The following GNE variants were observed in gnomAD, a reference collection of about 807,000 sequenced individuals.
GNE encodes the protein bifunctional UDP-N-acetylglucosamine 2-epimerase/N-acetylmannosamine kinase.
A neutral mutation model predicts 61.8 loss-of-function variants in GNE; 41 were observed. The ratio of observed to expected loss-of-function variants is 0.66; its 90% CI spans 0.52 to 0.86. GNE has a LOEUF of 0.86. GNE is among the 40% of genes least tolerant of loss of function. The pLI is 0.00. For missense variants in GNE, 608 were observed against 909.1 expected, an observed-to-expected ratio of 0.67 and a Z score of 4.26; for synonymous variants, 264 against 326.4, an observed-to-expected ratio of 0.81 and a Z score of 2.06.
chr9:36,269,887 C>G (rs370488012), intron 1 of GNE, among the ~76,000 whole-genome samples: 1 of 152,128 alleles, frequency 6.6e-6, no homozygotes, highest in African/African-American at 2.4e-5. Context: ...GTCTTGAACT[C>G]CTGACCTCAG....
Position 36,217,037 on chromosome 9 carries a change from T to C in GNE, c.*328A>G. The stretch of plus-strand genomic sequence containing the variant: ...CCCAGGCAAGGCCTGAAGGTCTCAG[T>C]GGTATTAATACATTAGTAAGCAGAG... On this transcript the variant is annotated 3_prime_UTR_variant, in exon 12 of 12. Coordinates refer to ENST00000642385, the MANE Select transcript of GNE (RefSeq NM_005476.7). The C allele has an allele frequency of 5.3e-6, 2 of 376,850 alleles. No homozygotes were observed. Among genetic ancestry groups the C allele is most frequent in the East Asian group, 1.2e-4 (2 of 16,062 alleles). The allele number at this position is 376,850 out of a possible 1,614,324, so 23.3% of individuals were successfully genotyped here.
At chr9:36,220,389 C>T (rs1040015519) in intron 9 of GNE, among the ~76,000 whole-genome samples, 1 of 152,196 alleles carries the variant, frequency 6.6e-6, no homozygotes, top group African/African-American at 2.4e-5. Flanking sequence ...TACTCAGCCA[C>T]GCAGGCACAG....
intron 5 of GNE, among the ~76,000 whole-genome samples, chr9:36,231,368 C>G (rs575076715): frequency 1.3e-4 from 20 of 152,146 alleles, no homozygotes; most frequent in African/African-American, 4.8e-4. Context: ...TAACTTGAGC[C>G]CAGGAATTCA....
At chr9:36,226,763 C>T (rs1218403172) in intron 7 of GNE, among the ~76,000 whole-genome samples, 1 of 152,200 alleles carries the variant, frequency 6.6e-6, no homozygotes. Context: ...CCTGTCAACA[C>T]TGGGTGATGG....
intron 2 of GNE, among the ~76,000 whole-genome samples, chr9:36,248,758 A>G (rs1830002761): frequency 2.6e-5 from 4 of 152,174 alleles, no homozygotes; most frequent in African/African-American, 9.6e-5. Context: ...TTCCATATCT[A>G]CTACTTTATA....
chr9:36,275,636 T>C (rs1831233656), intron 1 of GNE, among the ~76,000 whole-genome samples: 1 of 152,184 alleles, frequency 6.6e-6, no homozygotes, highest in South Asian at 2.1e-4. Context: ...GAACAACTAT[T>C]ACTTTCATAA....
At chr9:36,217,990 G>A (rs1828407852) in intron 11 of GNE, among the ~76,000 whole-genome samples, 193 bp downstream of exon 11, 1 of 152,196 alleles carries the variant, frequency 6.6e-6, no homozygotes, top group African/African-American at 2.4e-5. Context: ...ACCACCTGCT[G>A]AAAAAGGCAA....
At chr9:36,226,339 A>T (rs1422751311) in intron 7 of GNE, among the ~76,000 whole-genome samples, 55 of 141,270 alleles carry the variant, frequency 3.9e-4, no homozygotes, top group African/African-American at 1.4e-3. Context: ...TGCCCAGCTA[A>T]TTTTTTTTTT....
At chr9:36,267,427 T>G (rs1424486431) in intron 1 of GNE, among the ~76,000 whole-genome samples, 1 of 152,224 alleles carries the variant, frequency 6.6e-6, no homozygotes, top group East Asian at 1.9e-4. Flanking sequence ...CTGAGTGCGG[T>G]GGCTCATGCC....
At chr9:36,237,595 T>C (rs920974714) in intron 3 of GNE, among the ~76,000 whole-genome samples, 1 of 152,108 alleles carries the variant, frequency 6.6e-6, no homozygotes, top group African/African-American at 2.4e-5. Flanking sequence ...GCAAGGTATT[T>C]ACCAATAGGG....
At chr9:36,274,621 C>A (rs1226891831) in intron 1 of GNE, among the ~76,000 whole-genome samples, 1 of 152,156 alleles carries the variant, frequency 6.6e-6, no homozygotes, top group Non-Finnish European at 1.5e-5. Flanking sequence ...CTTTCTCAAA[C>A]TCCTAAATAA....
At chr9:36,256,898 C>T (rs748498825) in intron 1 of GNE, among the ~76,000 whole-genome samples, 1 of 152,148 alleles carries the variant, frequency 6.6e-6, no homozygotes, top group Non-Finnish European at 1.5e-5. Context: ...TTACTTGCCC[C>T]AAATCACTGT....
In GNE at chr9:36,234,104, C is replaced by T. The variant is rs2133068760; in HGVS notation, c.798G>A (p.Arg266=). The change falls in exon 5 of 12, where the codon CGG becomes CGA. Residue 266 remains arginine, a synonymous_variant. Coordinates refer to ENST00000642385, the MANE Select transcript of GNE (RefSeq NM_005476.7). ...TGGGATGATGCTCAATGCCCTTCTT[C>T]CGCATCACTCGAACCATCTCTTTGC... ...AGSKEMVRVM[R]KKGIEHHPNF... is the part of the protein sequence containing the mutation. 2 of 1,613,760 alleles carry T rather than the reference C, an allele frequency of 1.2e-6. No homozygotes were observed. Among genetic ancestry groups the T allele is most frequent in the East Asian group, 2.2e-5 (1 of 44,876 alleles).
chr9:36,218,303 A>G lies in GNE; in HGVS notation c.1817-4T>C. 6.2e-7 allele frequency: 1 copy of G among 1,605,752 alleles called. No homozygotes were observed. Among genetic ancestry groups the G allele is most frequent in the Non-Finnish European group, 8.5e-7 (1 of 1,172,388 alleles). On this transcript the variant is annotated splice_region_variant and splice_polypyrimidine_tract_variant and intron_variant, in intron 10 of 11. Transcript: ENST00000642385. The surrounding 1 kb of genome is among the most constrained non-coding windows in gnomAD (Gnocchi z 4.1). ...CCTTCCACCAAGAGCAGGTCCTCTG[A>G]ACAGAGTGAGAAGGAAAAGCAGTCA...
upstream of GNE, among the ~76,000 whole-genome samples, chr9:36,260,266 C>T (rs1427848724): frequency 1.4e-5 from 2 of 138,940 alleles, no homozygotes; most frequent in African/African-American, 5.6e-5. Context: ...GGTGCTGGAT[C>T]GAGACCTCAT....
Position 36,233,985 on chromosome 9 carries a change from C to G in GNE, c.917G>C (p.Arg306Pro), listed in dbSNP as rs1455785164. 2 of 1,614,204 alleles carry G rather than the reference C, an allele frequency of 1.2e-6. No individual in the cohort carries two copies. Among genetic ancestry groups the G allele is most frequent in the Non-Finnish European group, 1.7e-6 (2 of 1,180,026 alleles). The change falls in exon 5 of 12, where the codon CGA becomes CCA. Residue 306 changes from arginine (R) to proline (P), a missense_variant. Arg to Pro is a moderately radical substitution (Grantham distance 103). Coordinates refer to ENST00000642385, the MANE Select transcript of GNE (RefSeq NM_005476.7). ...CMIGNSSCGV[R>P]EVGAFGTPVI... ...AGGTGTTCCAAAAGCTCCAACTTCT[C>G]GAACCCCACAGCTGCTGTTCCCAAT...
At chr9:36,221,933 A>ACCTTGAACAACT (rs1828604954) in intron 9 of GNE, among the ~76,000 whole-genome samples, 1 of 152,190 alleles carries the variant, frequency 6.6e-6, no homozygotes, top group Admixed American at 6.5e-5. Flanking sequence ...CCACACTCCC[A>ACCTTGAACAACT]GTACTGGTGT....
At chr9:36,272,988 G>A (rs1233141283) in intron 1 of GNE, among the ~76,000 whole-genome samples, 2 of 151,500 alleles carry the variant, frequency 1.3e-5, no homozygotes, top group African/African-American at 2.4e-5. Flanking sequence ...AGGAGGCTGA[G>A]GCAGGAGAAT....
At position 36,217,417 on chromosome 9, in the gene GNE, A is replaced by T; in HGVS notation, c.2117T>A (p.Leu706Gln). ...VVVSDLVDPA[L>Q]LGAASMVLDY... ...CAGAACCATGCTGGCAGCACCCAGCAGGGCGGGGTCAACCAAATCCGAAAC... is the reference window on the plus strand; with the variant it reads ...CAGAACCATGCTGGCAGCACCCAGCTGGGCGGGGTCAACCAAATCCGAAAC... Residue 706 changes from leucine (L) to glutamine (Q), a missense_variant, in exon 12 of 12, where the codon CTG (leucine) becomes CAG (glutamine). Leu to Gln is a moderately radical substitution (Grantham distance 113). Transcript: ENST00000642385. The T allele has an allele frequency of 6.2e-7, 1 of 1,614,104 alleles. No homozygotes were observed. The highest frequency in any genetic ancestry group is 1.1e-5 in the South Asian group (1 of 91,070).
Sources: allele counts gnomAD v4.1 joint callset (sites outside exome capture counted in the v4.1 genomes callset), GRCh38; gene constraint gnomAD v4.1.1; non-coding constraint Gnocchi (gnomAD v3.1); transcripts MANE v1.5; gene names NCBI Gene and HGNC (gene_info 2026-07-23, HGNC 2026-07-21).